Variants in RALB observed in about 807,000 individuals in gnomAD.
RALB encodes ras-related protein Ral-B.
RALB carries 16 observed loss-of-function variants against 21.3 expected under a neutral mutation model. That is an observed-to-expected ratio of 0.75 (90% CI 0.51 to 1.14). RALB has a LOEUF of 1.14. Ranked by LOEUF, RALB falls within the 50% of genes most tolerant of loss-of-function variation. The pLI, the probability that RALB is intolerant of heterozygous loss-of-function variation, is 0.00. For synonymous variants in RALB, 93 were observed against 96.1 expected, an observed-to-expected ratio of 0.97 and a Z score of 0.19; for missense variants, 161 against 256.2, an observed-to-expected ratio of 0.63 and a Z score of 2.54.
At chr2:120,244,522 A>T (rs183515229) in intron 1 of RALB, among the ~76,000 whole-genome samples, 1 of 152,200 alleles carries the variant, frequency 6.6e-6, no homozygotes, top group Non-Finnish European at 1.5e-5. Flanking sequence ...TGAGCTCTGC[A>T]TGGGCCTCCC....
chr2:120,241,008 A>G (rs73948753), intron 1 of RALB, among the ~76,000 whole-genome samples: 27,743 of 152,200 alleles, frequency 0.18, 3,946 homozygotes, highest in African/African-American at 0.4. Flanking sequence ...AGCAGTCACA[A>G]GGACCCCAGA....
intron 3 of RALB, among the ~76,000 whole-genome samples, chr2:120,288,342 G>GTTTTTTTATTTTT (rs1690218386): frequency 1.7e-5 from 2 of 117,090 alleles, no homozygotes; most frequent in Non-Finnish European, 3.3e-5. Flanking sequence ...GAAAATTTTA[G>GTTTTTTTATTTTT]TTTTTTTTTT....
chr2:120,261,391 G>T (rs1558948114), intron 1 of RALB, among the ~76,000 whole-genome samples: 1 of 152,138 alleles, frequency 6.6e-6, no homozygotes, highest in Non-Finnish European at 1.5e-5. Context: ...GAAGGGCGTG[G>T]AAGGTTTGTA....
At chr2:120,241,039 G>A (rs577698095) in intron 1 of RALB, among the ~76,000 whole-genome samples, 18 of 152,302 alleles carry the variant, frequency 1.2e-4, no homozygotes, top group East Asian at 5.8e-4. Flanking sequence ...CGGGGTGTGC[G>A]TTTGTCCTTA....
intron 1 of RALB, among the ~76,000 whole-genome samples, chr2:120,263,743 T>C (rs2104598995): frequency 6.6e-6 from 1 of 152,264 alleles, no homozygotes; most frequent in Middle Eastern, 3.4e-3. Context: ...TTGCCCAGGA[T>C]GGTCTCGAAC....
rs1396147301 is a variant in RALB, at chr2:120,240,233, A to G, written c.19+108A>G. 5.5e-6 allele frequency: 6 copies of G among 1,090,834 alleles called. No homozygotes were observed. The East Asian group carries it at 3.6e-4, about 65-fold the overall frequency. 67.6% of individuals were successfully genotyped at this position (1,090,834 alleles called of 1,614,324 possible). On this transcript the variant is annotated intron_variant, in intron 1 of 3. Transcript: ENST00000447591. ...AAAGGAAGCTCAGAGAGGTAAACAG[A>G]CTTGCCTGGGGTCACACAGCATGTA...
intron 1 of RALB, among the ~76,000 whole-genome samples, chr2:120,256,531 G>C (rs72841698): frequency 0.22 from 34,032 of 152,090 alleles, 5,065 homozygotes; most frequent in Middle Eastern, 0.36. Flanking sequence ...CACGTGATCT[G>C]ATGGTTTTAC....
At chr2:120,245,817 C>T (rs1309791809) in intron 1 of RALB, among the ~76,000 whole-genome samples, 2 of 152,202 alleles carry the variant, frequency 1.3e-5, no homozygotes, top group African/African-American at 4.8e-5. Flanking sequence ...GAGATGCTGC[C>T]TTCCCACTGT....
At chr2:120,288,663 T>G (rs925545218) in intron 3 of RALB, among the ~76,000 whole-genome samples, 2 of 152,206 alleles carry the variant, frequency 1.3e-5, no homozygotes, top group African/African-American at 4.8e-5. Context: ...TATTTAGTTT[T>G]GATTAGTACT....
intron 1 of RALB, among the ~76,000 whole-genome samples, chr2:120,243,354 G>A (rs961660767): frequency 6.6e-6 from 1 of 152,222 alleles, no homozygotes; most frequent in Non-Finnish European, 1.5e-5. Flanking sequence ...CACCACTCTC[G>A]CCCCAGCCCT....
Position 120,278,752 on chromosome 2 carries a change from C to T in RALB, c.88C>T (p.Leu30=). 1 of 1,586,584 alleles carries T rather than the reference C, an allele frequency of 6.3e-7. No individual in the cohort carries two copies. Among genetic ancestry groups the T allele is most frequent in the Middle Eastern group, 1.7e-4 (1 of 5,952 alleles). The part of the protein sequence containing the change: ...VGSGGVGKSA[L]TLQFMYDEFV... ...CAGCGGAGGCGTTGGCAAGTCAGCC[C>T]TGACGCTTCAGTTCATGTATGACGA... The change falls in exon 2 of 5, where the codon CTG becomes TTG. Residue 30 remains leucine, a synonymous_variant. Transcript: ENST00000272519.
rs966612730 is a variant in RALB, at chr2:120,252,861, C to A, written c.-167C>A. The A allele has an allele frequency of 2.0e-6, 2 of 985,534 alleles. No individual in the cohort carries two copies. Among genetic ancestry groups the A allele is most frequent in the Non-Finnish European group, 2.4e-6 (2 of 830,118 alleles). 61.0% of individuals were successfully genotyped at this position (985,534 alleles called of 1,614,324 possible). Reference sequence around the variant, plus strand: ...CGCGCTCGGGGGGTGGGAAAGCGAGCCCGGCAGCTCAATGACAAATCGGTG... The same window carrying A: ...CGCGCTCGGGGGGTGGGAAAGCGAGACCGGCAGCTCAATGACAAATCGGTG... On this transcript the variant is annotated 5_prime_UTR_variant, in exon 1 of 5. Coordinates refer to ENST00000272519, the MANE Select transcript of RALB (RefSeq NM_002881.3).
intron 1 of RALB, among the ~76,000 whole-genome samples, chr2:120,262,537 C>G (rs1573330518): frequency 6.6e-6 from 1 of 152,084 alleles, no homozygotes; most frequent in East Asian, 1.9e-4. Flanking sequence ...GACACCTGCA[C>G]TTCTGGTGGT....
intron 1 of RALB, 57 bp from the exon 2 acceptor site, chr2:120,278,561 G>A (rs1356003856): frequency 2.2e-6 from 3 of 1,340,694 alleles, no homozygotes; most frequent in Non-Finnish European, 2.9e-6. Flanking sequence ...AATGACATTT[G>A]GTTTTAGCTA....
At chr2:120,270,988 C>T (rs1573339342) in intron 1 of RALB, among the ~76,000 whole-genome samples, 1 of 152,158 alleles carries the variant, frequency 6.6e-6, no homozygotes, top group East Asian at 1.9e-4. Context: ...TTGCTGTGTG[C>T]TTCTGTTGCC....
chr2:120,282,217 G>A (rs975776282), intron 2 of RALB, among the ~76,000 whole-genome samples: 1 of 152,078 alleles, frequency 6.6e-6, no homozygotes, highest in Non-Finnish European at 1.5e-5. Flanking sequence ...GGTGGCTCAC[G>A]CCTGTAATCT....
intron 1 of RALB, among the ~76,000 whole-genome samples, chr2:120,264,757 A>G (rs2104601321): frequency 6.7e-6 from 1 of 150,300 alleles, no homozygotes; most frequent in South Asian, 2.1e-4. Flanking sequence ...CTGACTCCCC[A>G]CTCCCCTCTT....
chr2:120,264,140 C>T (rs182671655), intron 1 of RALB, among the ~76,000 whole-genome samples: 43 of 151,190 alleles, frequency 2.8e-4, no homozygotes, highest in Non-Finnish European at 5.6e-4. Flanking sequence ...TGAGCCACTG[C>T]GCTAGCCTAT....
Position 120,293,473 on chromosome 2 carries a change from G to A in RALB, c.*213G>A. ...AAGGGCTGCTTTGTCAGGAGGTTGT[G>A]GAATTTCTTTCTTCTCCCCTTCTTC... On this transcript the variant is annotated 3_prime_UTR_variant, in exon 5 of 5. Transcript: ENST00000272519. 1 of 352,836 alleles carries A rather than the reference G, an allele frequency of 2.8e-6. No homozygotes were observed. Among genetic ancestry groups the A allele is most frequent in the Non-Finnish European group, 4.8e-6 (1 of 206,614 alleles). 21.9% of individuals were successfully genotyped at this position (352,836 alleles called of 1,614,324 possible). A position where few individuals can be genotyped will look rare whatever the true frequency, so the allele number is the denominator to read the frequency against.
Sources: allele counts gnomAD v4.1 joint callset (sites outside exome capture counted in the v4.1 genomes callset), GRCh38; gene constraint gnomAD v4.1.1; transcripts MANE v1.5; gene names NCBI Gene and HGNC (gene_info 2026-07-23, HGNC 2026-07-21).